Variants in PIK3C2G observed in about 807,000 individuals in gnomAD.
PIK3C2G encodes the protein phosphatidylinositol-4-phosphate 3-kinase catalytic subunit type 2 gamma.
In PIK3C2G, 168 loss-of-function variants were observed where a neutral mutation model predicts 181.1. That is an observed-to-expected ratio of 0.93 (90% CI 0.82 to 1.05). The LOEUF (loss-of-function observed/expected upper bound fraction) is 1.05. Among genes scored for constraint, PIK3C2G ranks in the 50% least tolerant of loss-of-function variants. PIK3C2G has a pLI of 0.00. For missense variants in PIK3C2G, 1,869 were observed against 1,732.8 expected (o/e 1.08, Z -1.40); for synonymous variants, 573 against 592.2 (o/e 0.97, Z 0.47).
chr12:18,396,411 A>G (rs527666401), intron 15 of PIK3C2G, among the ~76,000 whole-genome samples: 9 of 151,712 alleles, frequency 5.9e-5, no homozygotes, highest in Non-Finnish European at 1.0e-4. Flanking sequence ...GTATCATGTT[A>G]AATCATGCAA....
At position 18,642,816 on chromosome 12, in the gene PIK3C2G, G is replaced by GTGTGTGTGTGTGTC. The variant is rs34243563; in HGVS notation, c.4308+2269_4308+2270insGTGTGTCTGTGTGT. On this transcript the variant is annotated intron_variant, in intron 32 of 32. Coordinates refer to ENST00000538779, the MANE Select transcript of PIK3C2G (RefSeq NM_001288772.2). ...TGTGTGTGTGTGTGTGTGTGTGTGT[G>GTGTGTGTGTGTGTC]TGTGTGTATAAAATGTAAATACATG... Among the ~76,000 whole-genome samples the GTGTGTGTGTGTGTC allele has an allele frequency of 2.5e-3, 365 of 148,952 alleles. 1 individual carries two copies. Among genetic ancestry groups the GTGTGTGTGTGTGTC allele is most frequent in the African/African-American group, 4.6e-3 (178 of 38,930 alleles).
chr12:18,329,656 A>G (rs1937713248), intron 8 of PIK3C2G, among the ~76,000 whole-genome samples: 1 of 151,982 alleles, frequency 6.6e-6, no homozygotes, highest in Non-Finnish European at 1.5e-5. Flanking sequence ...CTGGACTTCA[A>G]TTTATCTATC....
At chr12:18,320,618 TA>T (rs1206435692) in intron 6 of PIK3C2G, among the ~76,000 whole-genome samples, 3 of 152,214 alleles carry the variant, frequency 2.0e-5, no homozygotes. Context: ...ACTCATGGCC[TA>T]AATGTGAAAA....
At chr12:18,563,337 T>C in intron 27 of PIK3C2G, 40 bp from the exon 28 acceptor site, 1 of 1,569,678 alleles carries the variant, frequency 6.4e-7, no homozygotes, top group Non-Finnish European at 8.7e-7. Context: ...CACAGGCTGA[T>C]ATTGCCATCT....
chr12:18,607,683 G>A (rs1411924721), intron 30 of PIK3C2G, among the ~76,000 whole-genome samples: 1 of 152,118 alleles, frequency 6.6e-6, no homozygotes, highest in Non-Finnish European at 1.5e-5. Context: ...GGCAACAAAA[G>A]CCAAAATTGG....
In PIK3C2G at chr12:18,648,206, G is replaced by T. The variant is rs977975756; in HGVS notation, c.*178G>T. The T allele has an allele frequency of 5.6e-6, 2 of 357,174 alleles. No individual in the cohort carries two copies. Among genetic ancestry groups the T allele is most frequent in the Non-Finnish European group, 1.0e-5 (2 of 199,642 alleles). The allele number at this position is 357,174 out of a possible 1,614,324, so 22.1% of individuals were successfully genotyped here. A position where few individuals can be genotyped will look rare whatever the true frequency, so the allele number is the denominator to read the frequency against. The stretch of plus-strand genomic sequence containing the variant: ...TTTATTTTCTACCTGTGCTTTCATT[G>T]TTTTTTCATAATCTTTTCTCCTTCA... On this transcript the variant is annotated 3_prime_UTR_variant, in exon 33 of 33. Coordinates refer to ENST00000538779, the MANE Select transcript of PIK3C2G (RefSeq NM_001288772.2).
chr12:18,645,843 A>G (rs967072691), intron 32 of PIK3C2G, among the ~76,000 whole-genome samples: 3 of 152,206 alleles, frequency 2.0e-5, no homozygotes, highest in Admixed American at 1.3e-4. Context: ...TGACTTATTC[A>G]TGCAATTCAC....
chr12:18,546,603 C>G (rs912185666), intron 26 of PIK3C2G, among the ~76,000 whole-genome samples, 171 bp downstream of exon 26: 1 of 151,996 alleles, frequency 6.6e-6, no homozygotes, highest in Non-Finnish European at 1.5e-5. Context: ...GAATGTCTAG[C>G]AGAAGGCCTT....
At chr12:18,613,080 A>G (rs1220131393) in intron 31 of PIK3C2G, among the ~76,000 whole-genome samples, 1 of 152,114 alleles carries the variant, frequency 6.6e-6, no homozygotes, top group East Asian at 1.9e-4. Flanking sequence ...ATATTTTTAA[A>G]AACTCTCTCT....
At chr12:18,697,917 C>T in the PIK3C2G span, among the ~76,000 whole-genome samples, 1 of 152,136 alleles carries the variant, frequency 6.6e-6, no homozygotes, top group Non-Finnish European at 1.5e-5. Context: ...ATGCTCTATG[C>T]CCCTTCAAAG....
At chr12:18,581,221 G>C (rs1946484513) in intron 29 of PIK3C2G, among the ~76,000 whole-genome samples, 1 of 152,068 alleles carries the variant, frequency 6.6e-6, no homozygotes, top group African/African-American at 2.4e-5. Context: ...TTATTCAGTT[G>C]GGTTTCAAAT....
chr12:18,262,393 C>G (rs192795395), intron 1 of PIK3C2G, among the ~76,000 whole-genome samples: 1 of 151,914 alleles, frequency 6.6e-6, no homozygotes, highest in Non-Finnish European at 1.5e-5. Context: ...ACTCAGAGAG[C>G]GAGGTTAAAG....
At position 18,365,696 on chromosome 12, in the gene PIK3C2G, T is replaced by C. The variant is rs1016481695; in HGVS notation, c.1748+2810T>C. ...TGTCATTATTCCCTCACTTTTCTCTTACAGTTATATACCTTTAAATACAAT... is the reference window on the plus strand; with the variant it reads ...TGTCATTATTCCCTCACTTTTCTCTCACAGTTATATACCTTTAAATACAAT... On this transcript the variant is annotated intron_variant, in intron 12 of 32. Transcript: ENST00000538779. Among the ~76,000 whole-genome samples the C allele has an allele frequency of 5.9e-5, 9 of 152,276 alleles. 1 individual carries two copies. In the South Asian group the frequency reaches 6.2e-4, roughly 11 times the overall value.
intron 8 of PIK3C2G, among the ~76,000 whole-genome samples, chr12:18,328,633 G>T (rs533869668): frequency 6.6e-6 from 1 of 151,942 alleles, no homozygotes; most frequent in East Asian, 1.9e-4. Flanking sequence ...ACCTTCCTCA[G>T]ATTTATATGA....
chr12:18,458,817 T>C (rs1947763179), intron 18 of PIK3C2G, among the ~76,000 whole-genome samples: 2 of 149,792 alleles, frequency 1.3e-5, no homozygotes, highest in African/African-American at 4.9e-5. Context: ...CGATGGCTTC[T>C]AGTTGCTGAA....
chr12:18,251,451 T>G (rs546497823), intron 1 of PIK3C2G, among the ~76,000 whole-genome samples: 1 of 152,118 alleles, frequency 6.6e-6, no homozygotes, highest in South Asian at 2.1e-4. Context: ...TCTAAGCATG[T>G]GATAACAGTA....
intron 31 of PIK3C2G, among the ~76,000 whole-genome samples, chr12:18,613,794 T>G (rs1417624827): frequency 6.6e-6 from 1 of 152,082 alleles, no homozygotes; most frequent in Non-Finnish European, 1.5e-5. Context: ...AAGTGGCTAG[T>G]ACCCTAATGT....
rs1353139682 is a variant in PIK3C2G at position 18,321,058 on chromosome 12, G to A, written c.1208+26G>A. ...GTAAGATATTTTATATTTGTTCCAAGACTACTTTCTGATTGAGTTCTCAAA... is the reference window on the plus strand; with the variant it reads ...GTAAGATATTTTATATTTGTTCCAAAACTACTTTCTGATTGAGTTCTCAAA... On this transcript the variant is annotated intron_variant, in intron 7 of 32. Transcript: ENST00000538779. 1.0e-5 allele frequency: 12 copies of A among 1,202,634 alleles called. No homozygotes were observed. In the Admixed American group the frequency reaches 1.4e-4, roughly 14 times the overall value. The allele number at this position is 1,202,634 out of a possible 1,614,324, so 74.5% of individuals were successfully genotyped here.
At chr12:18,389,506 T>C (rs149156246) in intron 14 of PIK3C2G, among the ~76,000 whole-genome samples, 3 of 152,348 alleles carry the variant, frequency 2.0e-5, no homozygotes, top group African/African-American at 7.2e-5. Context: ...CCTATTTTAA[T>C]TGTTAATGTG....
Sources: gnomAD v4.1 joint callset for allele counts (sites outside exome capture counted in the v4.1 genomes callset) on GRCh38, gnomAD v4.1.1 for gene constraint, MANE v1.5 for transcripts, NCBI Gene and HGNC (gene_info 2026-07-23, HGNC 2026-07-21) for gene names.